JAKMIP2: variants seen among roughly 807,000 people sequenced by gnomAD.
The protein encoded by JAKMIP2 is janus kinase and microtubule interacting protein 2, also known as janus kinase and microtubule-interacting protein 2.
A neutral mutation model predicts 115.0 loss-of-function variants in JAKMIP2; 25 were observed. The observed-to-expected ratio is 0.22, with a 90% confidence interval of 0.16 to 0.30. The LOEUF (loss-of-function observed/expected upper bound fraction) is 0.30. Ranked by LOEUF, JAKMIP2 falls within the 10% of genes least tolerant of loss-of-function variation. The pLI is 1.00. For synonymous variants in JAKMIP2, 334 were observed against 343.6 expected, an observed-to-expected ratio of 0.97 and a Z score of 0.31; for missense variants, 642 against 957.6, an observed-to-expected ratio of 0.67 and a Z score of 4.35.
At chr5:147,712,091 T>C (rs995116099) in intron 1 of JAKMIP2, among the ~76,000 whole-genome samples, 1 of 152,264 alleles carries the variant, frequency 6.6e-6, no homozygotes, top group Non-Finnish European at 1.5e-5. Context: ...TGAATATTTA[T>C]GCCATGTTGT....
intron 1 of JAKMIP2, among the ~76,000 whole-genome samples, chr5:147,686,378 G>C (rs1580781255): frequency 1.3e-5 from 2 of 152,108 alleles, no homozygotes; most frequent in Admixed American, 1.3e-4. Flanking sequence ...TCTTGGGGAA[G>C]CCAGCCTCTC....
At chr5:147,719,426 C>T (rs1288001100) in intron 1 of JAKMIP2, among the ~76,000 whole-genome samples, 9 of 142,062 alleles carry the variant, frequency 6.3e-5, no homozygotes, top group Non-Finnish European at 9.1e-5. Flanking sequence ...TCTCGTTGAT[C>T]TGTCTAATGT....
intron 1 of JAKMIP2, among the ~76,000 whole-genome samples, chr5:147,698,559 G>GT (rs760536098): frequency 1.4e-4 from 21 of 152,194 alleles, no homozygotes; most frequent in Non-Finnish European, 5.9e-5. Flanking sequence ...CCAGTGGGAA[G>GT]TGATTGGATG....
chr5:147,649,968 C>T (rs957337964), intron 4 of JAKMIP2, among the ~76,000 whole-genome samples: 3 of 152,106 alleles, frequency 2.0e-5, no homozygotes, highest in African/African-American at 2.4e-5. Flanking sequence ...TAGATGACAA[C>T]CATCTTTATC....
At chr5:147,670,077 T>C (rs1042318042) in intron 2 of JAKMIP2, among the ~76,000 whole-genome samples, 3 of 152,178 alleles carry the variant, frequency 2.0e-5, no homozygotes, top group Non-Finnish European at 4.4e-5. Flanking sequence ...CCCAAACAAA[T>C]GCTGTTCTAA....
chr5:147,724,848 G>A (rs1453529360), intron 1 of JAKMIP2, among the ~76,000 whole-genome samples: 1 of 151,796 alleles, frequency 6.6e-6, no homozygotes, highest in East Asian at 1.9e-4. Context: ...AACAAGGAAG[G>A]AAGGAAGGTG....
chr5:147,728,059 C>T (rs905714732), intron 1 of JAKMIP2, among the ~76,000 whole-genome samples: 2 of 152,130 alleles, frequency 1.3e-5, no homozygotes, highest in African/African-American at 4.8e-5. Context: ...TTCTGTTTTG[C>T]TTTGCTTTAT....
At chr5:147,618,443 C>T (rs1756691131) in intron 18 of JAKMIP2, among the ~76,000 whole-genome samples, 1 of 151,484 alleles carries the variant, frequency 6.6e-6, no homozygotes, top group African/African-American at 2.4e-5. Context: ...CTCACTTCTA[C>T]TTGACAGCTC....
At chr5:147,626,385 G>T (rs1057384289) in intron 16 of JAKMIP2, among the ~76,000 whole-genome samples, 1 of 152,148 alleles carries the variant, frequency 6.6e-6, no homozygotes, top group Non-Finnish European at 1.5e-5. Flanking sequence ...ATTTGCCTCA[G>T]CTCCGACAGC....
chr5:147,632,623 C>T (rs3763093), intron 13 of JAKMIP2, 57 bp downstream of exon 13: 142,548 of 1,097,666 alleles, frequency 0.13, 11,529 homozygotes, highest in South Asian at 0.27. Context: ...CCTCAATGTG[C>T]TCTGTGCATG....
intron 2 of JAKMIP2, chr5:147,661,673 G>T (rs938028246): frequency 1.8e-5 from 9 of 502,480 alleles, no homozygotes; most frequent in Admixed American, 7.4e-5. Flanking sequence ...ATGAATATTT[G>T]ATGTTCTGGG....
At chr5:147,657,650 AGGTTC>A (rs1233249859) in intron 3 of JAKMIP2, among the ~76,000 whole-genome samples, 8 of 152,002 alleles carry the variant, frequency 5.3e-5, no homozygotes, top group African/African-American at 1.9e-4. Flanking sequence ...AGTCAATTGT[AGGTTC>A]GGTGTTTTAA....
At chr5:147,600,568 T>C (rs1755643634) in intron 21 of JAKMIP2, among the ~76,000 whole-genome samples, 1 of 152,178 alleles carries the variant, frequency 6.6e-6, no homozygotes, top group Non-Finnish European at 1.5e-5. Flanking sequence ...TGAACCATGA[T>C]AAATGGATTT....
At chr5:147,776,805 G>A (rs1755574106) in intron 1 of JAKMIP2, among the ~76,000 whole-genome samples, 1 of 152,076 alleles carries the variant, frequency 6.6e-6, no homozygotes, top group Non-Finnish European at 1.5e-5. Flanking sequence ...GTGAGCACCT[G>A]TAGTTCCAGC....
intron 2 of JAKMIP2, among the ~76,000 whole-genome samples, chr5:147,664,441 G>C (rs572435186): frequency 6.6e-6 from 1 of 152,204 alleles, no homozygotes; most frequent in South Asian, 2.1e-4. Flanking sequence ...CGTGCTCTAG[G>C]TGGGGGGGAT....
chr5:147,617,825 C>T (rs1053407738), intron 19 of JAKMIP2, 86 bp downstream of exon 19: 17 of 1,040,796 alleles, frequency 1.6e-5, no homozygotes, highest in Admixed American at 3.8e-5. Context: ...TGGGCTTCTC[C>T]GTACCCATAC....
At chr5:147,730,446 C>T (rs967020541) in intron 1 of JAKMIP2, among the ~76,000 whole-genome samples, 3 of 134,692 alleles carry the variant, frequency 2.2e-5, no homozygotes, top group African/African-American at 8.3e-5. Context: ...TCATCTTGCC[C>T]TATTTTTTTT....
chr5:147,601,142 G>A (rs1755674537), intron 21 of JAKMIP2, among the ~76,000 whole-genome samples: 1 of 152,156 alleles, frequency 6.6e-6, no homozygotes, highest in Admixed American at 6.5e-5. Context: ...CAGACATTGT[G>A]ACTTCCCAAA....
intron 2 of JAKMIP2, among the ~76,000 whole-genome samples, chr5:147,664,058 T>C (rs936873632): frequency 2.6e-5 from 4 of 152,376 alleles, no homozygotes; most frequent in African/African-American, 9.6e-5. Flanking sequence ...TATAATGTTT[T>C]GGATAAATTA....
Sources: allele counts gnomAD v4.1 joint callset (sites outside exome capture counted in the v4.1 genomes callset), GRCh38; gene constraint gnomAD v4.1.1; transcripts MANE v1.5; gene names NCBI Gene and HGNC (gene_info 2026-07-23, HGNC 2026-07-21).